ARHGAP23: variants seen among roughly 807,000 people sequenced by gnomAD.
ARHGAP23 encodes rho GTPase-activating protein 23.
Under a neutral mutation model 136.3 loss-of-function variants are expected in ARHGAP23, and 34 were observed. The ratio of observed to expected loss-of-function variants is 0.25; its 90% CI spans 0.19 to 0.33. ARHGAP23 has a LOEUF of 0.33. Among genes scored for constraint, ARHGAP23 ranks in the 10% least tolerant of loss-of-function variants. The probability of loss-of-function intolerance (pLI) is 1.00; values close to 1 mark genes in which losing one functional copy is unlikely to be tolerated. For missense variants in ARHGAP23, 1,808 were observed against 2,139.0 expected, an observed-to-expected ratio of 0.85 and a Z score of 3.05; for synonymous variants, 832 against 920.5, an observed-to-expected ratio of 0.90 and a Z score of 1.74.
chr17:38,438,123 C>A (rs946139050), intron 1 of ARHGAP23, among the ~76,000 whole-genome samples: 2 of 152,126 alleles, frequency 1.3e-5, no homozygotes, highest in South Asian at 4.1e-4. Context: ...GAGATCGAGA[C>A]CGTCCTGGCC....
intron 23 of ARHGAP23, among the ~76,000 whole-genome samples, chr17:38,502,443 G>A (rs963761358): frequency 2.6e-5 from 4 of 152,216 alleles, no homozygotes; most frequent in African/African-American, 9.7e-5. Flanking sequence ...ACAAATACTT[G>A]TTGAACGTCT....
In ARHGAP23 at chr17:38,501,790, C is replaced by T. The variant is rs2040527341; in HGVS notation, c.3447+1162C>T. ...ATTTAAAATCCCCCAACAATGAAAACTTCAGGACCAGATGGTTTCACTGTT... is the reference window on the plus strand; with the variant it reads ...ATTTAAAATCCCCCAACAATGAAAATTTCAGGACCAGATGGTTTCACTGTT... On this transcript the variant is annotated intron_variant, in intron 23 of 23. Transcript: ENST00000622683. Among the ~76,000 whole-genome samples the T allele has an allele frequency of 2.0e-5, 3 of 151,894 alleles. No individual in the cohort carries two copies. In the South Asian group the frequency reaches 6.2e-4, roughly 31 times the overall value.
chr17:38,511,158 A>G lies in ARHGAP23; in HGVS notation c.*186A>G. 3.1e-6 allele frequency: 2 copies of G among 637,690 alleles called. No homozygotes were observed. The highest frequency in any genetic ancestry group is 4.8e-6 in the Non-Finnish European group (2 of 414,418). 39.5% of individuals were successfully genotyped at this position (637,690 alleles called of 1,614,324 possible). A position where few individuals can be genotyped will look rare whatever the true frequency, so the allele number is the denominator to read the frequency against. ...GGGCAGAGGAGAAGGCTGGGGCCGG[A>G]CTAATTGAATGGAAGGGGGTTCCAG... On this transcript the variant is annotated 3_prime_UTR_variant, in exon 24 of 24. Coordinates refer to ENST00000622683, the MANE Select transcript of ARHGAP23 (RefSeq NM_001199417.2).
At chr17:38,474,066 G>A (rs112838700) in intron 11 of ARHGAP23, among the ~76,000 whole-genome samples, 5 of 152,244 alleles carry the variant, frequency 3.3e-5, no homozygotes, top group Non-Finnish European at 5.9e-5. Flanking sequence ...GACTACAGGC[G>A]CCTGCTACCA....
chr17:38,423,750 G>A (rs1298290883), upstream of ARHGAP23, among the ~76,000 whole-genome samples: 12 of 151,986 alleles, frequency 7.9e-5, no homozygotes, highest in African/African-American at 2.4e-5. Flanking sequence ...TGTTGCCTGT[G>A]GGGGACAAGT....
chr17:38,459,104 T>A (rs1469452037), intron 2 of ARHGAP23, among the ~76,000 whole-genome samples: 2 of 152,160 alleles, frequency 1.3e-5, no homozygotes, highest in African/African-American at 4.8e-5. Flanking sequence ...TCACCACTTC[T>A]TTTCCAGCAG....
At chr17:38,455,891 G>A (rs886818497) in intron 1 of ARHGAP23, among the ~76,000 whole-genome samples, 1 of 152,202 alleles carries the variant, frequency 6.6e-6, no homozygotes, top group African/African-American at 2.4e-5. Flanking sequence ...GGGGTGCAGG[G>A]CACCGTGGGA....
chr17:38,507,257 AGAGG>A (rs1200618122), intron 23 of ARHGAP23, among the ~76,000 whole-genome samples: 1 of 127,204 alleles, frequency 7.9e-6, no homozygotes, highest in Non-Finnish European at 1.7e-5. Flanking sequence ...CCTGGGTGAC[AGAGG>A]GAGACTCCGT....
At chr17:38,445,262 C>T (rs1321106311) in intron 1 of ARHGAP23, among the ~76,000 whole-genome samples, 4 of 143,910 alleles carry the variant, frequency 2.8e-5, no homozygotes, top group Admixed American at 7.3e-5. Context: ...ATCAGGAGAT[C>T]GAGACCATCC....
chr17:38,453,148 T>A (rs2039219799), intron 1 of ARHGAP23, among the ~76,000 whole-genome samples: 1 of 152,096 alleles, frequency 6.6e-6, no homozygotes, highest in Admixed American at 6.5e-5. Flanking sequence ...GGGTCTGGTG[T>A]GCTTGCACAT....
At chr17:38,421,098 C>T (rs1348989476) in intron 1 of ARHGAP23, among the ~76,000 whole-genome samples, 1 of 152,206 alleles carries the variant, frequency 6.6e-6, no homozygotes, top group Non-Finnish European at 1.5e-5. Context: ...GCCGCTTCCC[C>T]TTTCCCAGAG....
intron 1 of ARHGAP23, among the ~76,000 whole-genome samples, chr17:38,441,960 C>T (rs1401948199): frequency 6.6e-6 from 1 of 151,710 alleles, no homozygotes; most frequent in African/African-American, 2.4e-5. Flanking sequence ...CCTTTCTCCC[C>T]CACTCCTTTT....
Position 38,463,568 on chromosome 17 carries a change from C to T in ARHGAP23, c.483+186C>T, listed in dbSNP as rs984884941. 5.9e-5 allele frequency among the ~76,000 whole-genome samples: 9 copies of T among 152,128 alleles called. No homozygotes were observed. In the South Asian group the frequency reaches 8.3e-4, roughly 14 times the overall value. On this transcript the variant is annotated intron_variant, in intron 6 of 23. Coordinates refer to ENST00000622683, the MANE Select transcript of ARHGAP23 (RefSeq NM_001199417.2). The stretch of plus-strand genomic sequence containing the variant: ...TCGGAGCTGCTCTGTGCTGGGGGAG[C>T]GGGAGACCTGGCCTTGGCAGGCAGG...
chr17:38,460,886 A>G lies in ARHGAP23; in HGVS notation c.226-19A>G. On this transcript the variant is annotated intron_variant, in intron 2 of 23. Coordinates refer to ENST00000622683, the MANE Select transcript of ARHGAP23 (RefSeq NM_001199417.2). ...GAGGGCTGGACTGACGCCCACACCC[A>G]CTCCTCTGTTCCCTGCAGGAGGAAG... is the stretch of plus-strand genomic sequence containing the variant. 6.5e-7 allele frequency: 1 copy of G among 1,535,594 alleles called. No individual in the cohort carries two copies. The highest frequency in any genetic ancestry group is 8.7e-7 in the Non-Finnish European group (1 of 1,146,748).
chr17:38,497,586 A>G lies in ARHGAP23; in HGVS notation c.3277-199A>G, dbSNP rs559259396. 7.7e-3 allele frequency among the ~76,000 whole-genome samples: 1,176 copies of G among 152,190 alleles called. 15 individuals are homozygous for G. The highest frequency in any genetic ancestry group is 0.027 in the African/African-American group (1,128 of 41,526). On this transcript the variant is annotated intron_variant, in intron 20 of 23. Transcript: ENST00000622683. ...TGGGGTCCCACCTTTTCTCTCCCCC[A>G]GGGTTTTTCATAGTCTGTGGAGTCA...
At chr17:38,504,063 C>A (rs1010438604) in intron 23 of ARHGAP23, among the ~76,000 whole-genome samples, 5 of 152,192 alleles carry the variant, frequency 3.3e-5, no homozygotes, top group African/African-American at 4.8e-5. Context: ...TGGGCATATT[C>A]TTGGGCCTCA....
At chr17:38,499,188 C>T (rs912354949) in intron 22 of ARHGAP23, among the ~76,000 whole-genome samples, 1 of 152,236 alleles carries the variant, frequency 6.6e-6, no homozygotes, top group African/African-American at 2.4e-5. Context: ...GTTGCCTGGA[C>T]ACCTGGGCAT....
chr17:38,466,465 C>T lies in ARHGAP23; in HGVS notation c.782C>T (p.Ser261Phe), dbSNP rs781109461. The change falls in exon 7 of 24, where the codon TCC (serine) becomes TTC (phenylalanine). Residue 261 changes from serine to phenylalanine, a missense_variant. By Grantham distance (155) the Ser-to-Phe change is radical. Transcript: ENST00000622683. ...RPSPGAFPHLSSEPRTPRAFP... is the reference protein window; with the variant it reads ...RPSPGAFPHLFSEPRTPRAFP... The stretch of plus-strand genomic sequence containing the variant: ...AGCCCTGGTGCCTTCCCCCACCTCT[C>T]CTCGGAGCCCCGGACGCCCCGTGCC... 4.6e-6 allele frequency: 7 copies of T among 1,520,932 alleles called. No homozygotes were observed. In the South Asian group the frequency reaches 7.3e-5, roughly 16 times the overall value. The allele number at this position is 1,520,932 out of a possible 1,614,324, so 94.2% of individuals were successfully genotyped here. A position where few individuals can be genotyped will look rare whatever the true frequency, so the allele number is the denominator to read the frequency against.
intron 6 of ARHGAP23, among the ~76,000 whole-genome samples, chr17:38,465,732 A>G (rs957383445): frequency 2.0e-5 from 3 of 150,396 alleles, no homozygotes; most frequent in Non-Finnish European, 4.4e-5. Flanking sequence ...CCCCACCCAG[A>G]CACACCCCTA....
Sources: allele counts gnomAD v4.1 joint callset (sites outside exome capture counted in the v4.1 genomes callset), GRCh38; gene constraint gnomAD v4.1.1; transcripts MANE v1.5; gene names NCBI Gene and HGNC (gene_info 2026-07-23, HGNC 2026-07-21).